ODF2L: variants seen among roughly 807,000 people sequenced by gnomAD.
ODF2L encodes the protein protein BCAP.
Under a neutral mutation model 86.3 loss-of-function variants are expected in ODF2L, and 76 were observed. The observed-to-expected ratio is 0.88, with a 90% CI of 0.73 to 1.07. ODF2L has a LOEUF of 1.07. ODF2L is among the 50% of genes least tolerant of loss of function. The probability of loss-of-function intolerance (pLI) is 0.00; values close to 1 mark genes in which losing one functional copy is unlikely to be tolerated. For synonymous variants in ODF2L, 241 were observed against 231.3 expected, an observed-to-expected ratio of 1.04 and a Z score of -0.38; for missense variants, 748 against 717.4, an observed-to-expected ratio of 1.04 and a Z score of -0.49.
intron 9 of ODF2L, among the ~76,000 whole-genome samples, chr1:86,372,050 T>C (rs1358249863): frequency 6.6e-6 from 1 of 151,788 alleles, no homozygotes; most frequent in Non-Finnish European, 1.5e-5. Context: ...ACAGCTGGGC[T>C]TGGTGGTGCA....
chr1:86,359,886 G>GT lies in ODF2L; in HGVS notation c.1254+539dup, dbSNP rs1226551218. On this transcript the variant is annotated intron_variant, in intron 12 of 17. Transcript: ENST00000317336. ...AACCATCATGCAAGGACCTGCATAAGTCCCATCTTATGAAGTTTTTTCTTG... is the reference window on the plus strand; with the variant it reads ...AACCATCATGCAAGGACCTGCATAAGTTCCCATCTTATGAAGTTTTTTCTTG... 4.6e-5 allele frequency among the ~76,000 whole-genome samples: 7 copies of GT among 152,194 alleles called. No individual in the cohort carries two copies. The East Asian group carries it at 1.4e-3, about 29-fold the overall frequency.
At chr1:86,361,257 C>T (rs1375980938) in intron 11 of ODF2L, among the ~76,000 whole-genome samples, 12 of 152,214 alleles carry the variant, frequency 7.9e-5, no homozygotes, top group African/African-American at 2.9e-4. Context: ...AGACTGTCAG[C>T]ATTTGTATCA....
chr1:86,378,467 C>T (rs1256298407), intron 7 of ODF2L, among the ~76,000 whole-genome samples: 1 of 152,162 alleles, frequency 6.6e-6, no homozygotes, highest in East Asian at 1.9e-4. Context: ...AGCAATACCC[C>T]ACTCTCTGCA....
At chr1:86,348,697 C>A, downstream of ODF2L, 1 of 1,328,162 alleles carries the variant, frequency 7.5e-7, no homozygotes, top group South Asian at 1.8e-5. Context: ...TACCCAATCA[C>A]ATTTTAGACT....
intron 7 of ODF2L, among the ~76,000 whole-genome samples, chr1:86,376,920 C>G (rs1157056833): frequency 6.6e-6 from 1 of 152,168 alleles, no homozygotes; most frequent in Non-Finnish European, 1.5e-5. Context: ...CTCATGTCTT[C>G]ACATTTCAAA....
intron 1 of ODF2L, among the ~76,000 whole-genome samples, chr1:86,391,395 A>G (rs1047352904): frequency 5.9e-5 from 9 of 151,706 alleles, no homozygotes; most frequent in Admixed American, 2.0e-4. Context: ...AGACTAGGTG[A>G]AAAGACATCA....
intron 11 of ODF2L, chr1:86,360,795 C>A: frequency 9.0e-6 from 2 of 221,452 alleles, no homozygotes; most frequent in South Asian, 1.6e-4. Context: ...TGGAAATGTG[C>A]CTAGATATGA....
At chr1:86,375,370 T>G (rs1660098076) in intron 8 of ODF2L, among the ~76,000 whole-genome samples, 1 of 152,140 alleles carries the variant, frequency 6.6e-6, no homozygotes, top group Non-Finnish European at 1.5e-5. Flanking sequence ...ATTTTATACA[T>G]GAGGAAATTG....
chr1:86,360,505 A>G, exon 12 of ODF2L: 1 of 1,598,504 alleles, frequency 6.3e-7, no homozygotes, highest in East Asian at 2.2e-5. Flanking sequence ...TTCAACAGAT[A>G]CAACTTCATC....
At chr1:86,387,058 C>G (rs1210105664) in exon 2 of ODF2L, 3 of 1,028,982 alleles carry the variant, frequency 2.9e-6, no homozygotes, top group Non-Finnish European at 4.3e-6. Flanking sequence ...TAGGTGGCTT[C>G]ACAGCGACTT....
In ODF2L at chr1:86,382,285, T is replaced by C. The variant is rs143424318; in HGVS notation, c.581A>G (p.His194Arg). 4.0e-5 allele frequency: 64 copies of C among 1,612,192 alleles called. No homozygotes were observed. The highest frequency in any genetic ancestry group is 5.0e-5 in the Admixed American group (3 of 59,898). The change falls in exon 7 of 18, where the codon CAT becomes CGT. Residue 194 changes from histidine (H) to arginine (R), a missense_variant. By Grantham distance (29) the His-to-Arg change is conservative. Transcript: ENST00000317336. ...CTTATCGTTCTCGGCTTCCCTTTTA[T>C]GAATTTGGATCTGTAGTCGTTCATG...
chr1:86,351,353 C>G (rs970814918), exon 18 of ODF2L: 1 of 152,104 alleles, frequency 6.6e-6, no homozygotes, highest in Admixed American at 6.6e-5. Context: ...ATAGGGAATC[C>G]TTTCCCCATT....
chr1:86,365,200 T>C (rs928332496), intron 11 of ODF2L, among the ~76,000 whole-genome samples: 1 of 152,204 alleles, frequency 6.6e-6, no homozygotes, highest in East Asian at 1.9e-4. Flanking sequence ...TTAAGAAAAG[T>C]ATCTTTACGA....
chr1:86,357,992 A>G (rs1658720102), intron 13 of ODF2L: 3 of 985,268 alleles, frequency 3.0e-6, no homozygotes, highest in Non-Finnish European at 2.4e-6. Context: ...AAGTAATTCC[A>G]TGAAAGCAGT....
Position 86,376,324 on chromosome 1 carries a change from AC to A in ODF2L, c.718del (p.Val240Ter). ...AACTTTAGATGCCTTTTTTAAAGCT[AC>A]AGTTTTTTGCCTACTTGCTTCTTTC... is the stretch of plus-strand genomic sequence containing the variant. On this transcript the variant is annotated frameshift_variant, in exon 8 of 18. Transcript: ENST00000317336. LOFTEE classifies it high-confidence loss of function. The A allele has an allele frequency of 6.2e-7, 1 of 1,612,208 alleles. No individual in the cohort carries two copies. The highest frequency in any genetic ancestry group is 8.5e-7 in the Non-Finnish European group (1 of 1,178,504).
chr1:86,387,024 C>T (rs774830719), exon 2 of ODF2L: 4 of 1,530,586 alleles, frequency 2.6e-6, no homozygotes, highest in Non-Finnish European at 3.6e-6. Flanking sequence ...ACAGCCTTCT[C>T]CATAAATTCA....
chr1:86,356,419 A>G (rs762836734), intron 14 of ODF2L, 25 bp downstream of exon 13: 1 of 1,574,854 alleles, frequency 6.3e-7, no homozygotes, highest in Non-Finnish European at 8.6e-7. Context: ...CGCATCTAGC[A>G]AAACTCAGAA....
chr1:86,384,239 C>T (rs922669477), intron 4 of ODF2L, among the ~76,000 whole-genome samples: 10 of 151,626 alleles, frequency 6.6e-5, no homozygotes, highest in Admixed American at 1.3e-4. Context: ...GATAAAAATG[C>T]TTTAAAATTG....
chr1:86,376,474 A>G (rs1660184011), intron 7 of ODF2L, 56 bp from the exon 8 acceptor site: 5 of 1,124,440 alleles, frequency 4.4e-6, no homozygotes, highest in Non-Finnish European at 6.4e-6. Flanking sequence ...GTTTATGTAA[A>G]CATTGTAAAA....
Sources: allele counts gnomAD v4.1 joint callset (sites outside exome capture counted in the v4.1 genomes callset), GRCh38; gene constraint gnomAD v4.1.1; transcripts MANE v1.5; gene names NCBI Gene and HGNC (gene_info 2026-07-23, HGNC 2026-07-21).